The following DDX10 variants were observed in gnomAD, a reference collection of about 807,000 sequenced individuals.
DDX10 encodes DEAD-box helicase 10.
A neutral mutation model predicts 104.3 loss-of-function variants in DDX10; 74 were observed. The ratio of observed to expected loss-of-function variants is 0.71; its 90% CI spans 0.59 to 0.86. The LOEUF is 0.86. Ranked by LOEUF, DDX10 falls within the 40% of genes least tolerant of loss-of-function variation. DDX10 has a pLI of 0.00. For synonymous variants in DDX10, 351 were observed against 353.4 expected, an observed-to-expected ratio of 0.99 and a Z score of 0.08; for missense variants, 952 against 1,040.0, an observed-to-expected ratio of 0.92 and a Z score of 1.16.
chr11:108,922,501 G>A (rs187858866), intron 17 of DDX10, among the ~76,000 whole-genome samples: 3 of 152,326 alleles, frequency 2.0e-5, no homozygotes, highest in Admixed American at 6.5e-5. Context: ...ACTGTCAGTT[G>A]GAACTAGGCA....
At chr11:108,806,406 C>G (rs1862101673) in intron 13 of DDX10, among the ~76,000 whole-genome samples, 1 of 152,190 alleles carries the variant, frequency 6.6e-6, no homozygotes, top group Non-Finnish European at 1.5e-5. Flanking sequence ...TTATGATACT[C>G]TGTTTGGTAT....
At chr11:108,841,258 TG>T in intron 14 of DDX10, 56 bp from the exon 15 acceptor site, 2 of 1,442,380 alleles carry the variant, frequency 1.4e-6, no homozygotes, top group South Asian at 2.4e-5. Flanking sequence ...CAAAATGAAG[TG>T]TCTTTCTGGG....
intron 15 of DDX10, among the ~76,000 whole-genome samples, chr11:108,848,315 T>C (rs986369035): frequency 6.6e-6 from 1 of 152,188 alleles, no homozygotes; most frequent in Non-Finnish European, 1.5e-5. Flanking sequence ...AGCCAGAGAC[T>C]GGTCTGGCTC....
Position 108,940,574 on chromosome 11 carries a change from C to T in DDX10, c.*151C>T. The T allele has an allele frequency of 2.9e-6, 2 of 691,620 alleles. No homozygotes were observed. The highest frequency in any genetic ancestry group is 4.7e-6 in the Non-Finnish European group (2 of 426,800). 42.8% of individuals were successfully genotyped at this position (691,620 alleles called of 1,614,324 possible). A position where few individuals can be genotyped will look rare whatever the true frequency, so the allele number is the denominator to read the frequency against. On this transcript the variant is annotated 3_prime_UTR_variant, in exon 18 of 18. Coordinates refer to ENST00000322536, the MANE Select transcript of DDX10 (RefSeq NM_004398.4). ...ATAGAAGCGATCGTATCTCCAAGTC[C>T]CTCTCACAGGACATGCTTTGTGCCA...
intron 13 of DDX10, among the ~76,000 whole-genome samples, chr11:108,734,631 A>G (rs1210387519): frequency 1.3e-5 from 2 of 152,146 alleles, no homozygotes; most frequent in East Asian, 1.9e-4. Flanking sequence ...CTTCTTTTAT[A>G]CAATATTCAA....
chr11:108,732,299 A>C (rs1363850951), intron 13 of DDX10, among the ~76,000 whole-genome samples: 4 of 152,204 alleles, frequency 2.6e-5, no homozygotes, highest in Non-Finnish European at 5.9e-5. Flanking sequence ...GACTTGTCCA[A>C]GGTCACAGTG....
At chr11:108,914,988 GA>G (rs368987479) in intron 16 of DDX10, among the ~76,000 whole-genome samples, 340 of 147,562 alleles carry the variant, frequency 2.3e-3, no homozygotes, top group African/African-American at 8.0e-3. Flanking sequence ...ATGAGGAATA[GA>G]AAAAAAAAAT....
chr11:108,685,531 C>T (rs2094242632), intron 6 of DDX10, among the ~76,000 whole-genome samples: 1 of 152,110 alleles, frequency 6.6e-6, no homozygotes, highest in Non-Finnish European at 1.5e-5. Flanking sequence ...CGGAGCTGTT[C>T]CTATTCGGCC....
At chr11:108,884,377 A>C (rs1046031005) in intron 16 of DDX10, among the ~76,000 whole-genome samples, 3 of 152,054 alleles carry the variant, frequency 2.0e-5, no homozygotes, top group Admixed American at 1.3e-4. Flanking sequence ...GTTCTCCCCC[A>C]GTCTACATAT....
At chr11:108,872,158 G>A (rs2134624338) in intron 16 of DDX10, among the ~76,000 whole-genome samples, 1 of 152,266 alleles carries the variant, frequency 6.6e-6, no homozygotes. Context: ...CATCTTCTCA[G>A]TTGTTTCTGT....
At chr11:108,808,887 C>T (rs1312167516) in intron 13 of DDX10, among the ~76,000 whole-genome samples, 1 of 152,142 alleles carries the variant, frequency 6.6e-6, no homozygotes, top group East Asian at 1.9e-4. Context: ...CGTCCATGTG[C>T]TTGCAATTAG....
At chr11:108,926,378 A>G (rs1863908958) in intron 17 of DDX10, among the ~76,000 whole-genome samples, 1 of 152,178 alleles carries the variant, frequency 6.6e-6, no homozygotes, top group Non-Finnish European at 1.5e-5. Context: ...GGCGTTGTAG[A>G]TATTTTACAG....
intron 13 of DDX10, among the ~76,000 whole-genome samples, chr11:108,796,165 T>TTC (rs1395051987): frequency 6.6e-6 from 1 of 152,034 alleles, no homozygotes; most frequent in Non-Finnish European, 1.5e-5. Context: ...CTCTCTCTCT[T>TTC]TCTCTCTCTC....
At chr11:108,922,618 A>G (rs1444481390) in intron 17 of DDX10, among the ~76,000 whole-genome samples, 5 of 152,350 alleles carry the variant, frequency 3.3e-5, no homozygotes, top group African/African-American at 1.2e-4. Context: ...CTTCTTTCTC[A>G]GTTCAGTGCA....
chr11:108,852,105 T>C, intron 15 of DDX10, 48 bp from the exon 16 acceptor site: 1 of 1,438,348 alleles, frequency 7.0e-7, no homozygotes, highest in Non-Finnish European at 9.6e-7. Context: ...TAGTCTGTTT[T>C]ATACCTAATT....
At chr11:108,733,208 A>T (rs2094314415) in intron 13 of DDX10, among the ~76,000 whole-genome samples, 1 of 151,634 alleles carries the variant, frequency 6.6e-6, no homozygotes, top group Non-Finnish European at 1.5e-5. Flanking sequence ...GCTTATAAGT[A>T]TACTCTTATA....
intron 9 of DDX10, among the ~76,000 whole-genome samples, 156 bp from the exon 10 acceptor site, chr11:108,706,583 C>G (rs1226867841): frequency 6.6e-6 from 1 of 152,142 alleles, no homozygotes; most frequent in Non-Finnish European, 1.5e-5. Context: ...ATGAGGTGTT[C>G]AGAGCCCTAG....
At chr11:108,778,158 T>TA (rs1163837605) in intron 13 of DDX10, among the ~76,000 whole-genome samples, 37 of 152,094 alleles carry the variant, frequency 2.4e-4, no homozygotes, top group African/African-American at 8.9e-4. Context: ...CCCATCAAGC[T>TA]CCAATGACTT....
At chr11:108,666,794 C>A (rs1410926206) in intron 1 of DDX10, among the ~76,000 whole-genome samples, 2 of 152,210 alleles carry the variant, frequency 1.3e-5, no homozygotes, top group African/African-American at 4.8e-5. Flanking sequence ...ATCACCCCAT[C>A]CCAAGATCTT....
Sources: allele counts gnomAD v4.1 joint callset (sites outside exome capture counted in the v4.1 genomes callset), GRCh38; gene constraint gnomAD v4.1.1; transcripts MANE v1.5; gene names NCBI Gene and HGNC (gene_info 2026-07-23, HGNC 2026-07-21).